Variants in ACSM2A observed in about 807,000 individuals in gnomAD.
ACSM2A encodes the protein acyl-coenzyme A synthetase ACSM2A, mitochondrial.
ACSM2A carries 72 observed loss-of-function variants against 76.6 expected under a neutral mutation model. The ratio of observed to expected loss-of-function variants is 0.94; its 90% CI spans 0.78 to 1.14. The LOEUF is 1.14. ACSM2A is among the 50% of genes most tolerant of loss of function. The pLI, the probability that ACSM2A is intolerant of heterozygous loss-of-function variation, is 0.00. For missense variants in ACSM2A, 684 were observed against 708.5 expected (o/e 0.97, Z 0.39); for synonymous variants, 249 against 255.9 (o/e 0.97, Z 0.26).
intron 1 of ACSM2A, among the ~76,000 whole-genome samples, chr16:20,458,398 C>T (rs1228792679): frequency 1.4e-5 from 2 of 145,300 alleles, no homozygotes; most frequent in African/African-American, 5.0e-5. Context: ...GATAACATAT[C>T]TCCATATATA....
At chr16:20,479,485 A>G (rs768692768) in intron 10 of ACSM2A, among the ~76,000 whole-genome samples, 4 of 152,290 alleles carry the variant, frequency 2.6e-5, no homozygotes, top group South Asian at 2.1e-4. Context: ...TATGTATTGC[A>G]TGATCTTAGG....
intron 1 of ACSM2A, among the ~76,000 whole-genome samples, chr16:20,452,881 T>C (rs1173813622): frequency 6.6e-6 from 1 of 152,034 alleles, no homozygotes; most frequent in East Asian, 1.9e-4. Flanking sequence ...TCATTGCTCA[T>C]GAGAGGCAAG....
In ACSM2A at chr16:20,486,594, G is replaced by A. The variant is rs149283270; in HGVS notation, c.1650G>A (p.Leu550=). The part of the protein sequence containing the change: ...YPRKIEFVLN[L]PKTVTGKIQR... ...AACAGATAGAGTTTGTCTTGAACCT[G>A]CCCAAGACTGTCACAGGGAAAATTC... The change falls in exon 14 of 14, where the codon CTG becomes CTA. Residue 550 remains leucine (L), a synonymous_variant. Coordinates refer to ENST00000573854, the MANE Select transcript of ACSM2A (RefSeq NM_001308172.2). 319 of 1,614,114 alleles carry A rather than the reference G, an allele frequency of 2.0e-4. 1 individual carries two copies. The African/African-American group carries it at 3.5e-3, about 17-fold the overall frequency.
At chr16:20,464,950 TTAC>T (rs1165491378) in intron 2 of ACSM2A, among the ~76,000 whole-genome samples, 4 of 151,444 alleles carry the variant, frequency 2.6e-5, no homozygotes, top group African/African-American at 4.8e-5. Context: ...ATGTGTATTT[TTAC>T]TACAAAATTA....
intron 2 of ACSM2A, 118 bp downstream of exon 2, chr16:20,460,409 A>G (rs2012545575): frequency 1.3e-6 from 2 of 1,484,070 alleles, no homozygotes; most frequent in African/African-American, 1.4e-5. Flanking sequence ...GTAATAAGCT[A>G]TGGACAAGAC....
Position 20,477,539 on chromosome 16 carries a change from A to C in ACSM2A, c.1179+90A>C, listed in dbSNP as rs1053765894. ...TTCCATTGTTTATTGAGTCAAAAAT[A>C]ATAGAAAGTACTGATATTAAGATAA... On this transcript the variant is annotated intron_variant, in intron 9 of 13. Transcript: ENST00000573854. 9.4e-6 allele frequency: 14 copies of C among 1,491,260 alleles called. No homozygotes were observed. The African/African-American group carries it at 1.3e-4, about 13-fold the overall frequency. 92.4% of individuals were successfully genotyped at this position (1,491,260 alleles called of 1,614,324 possible). A position where few individuals can be genotyped will look rare whatever the true frequency, so the allele number is the denominator to read the frequency against.
intron 6 of ACSM2A, among the ~76,000 whole-genome samples, chr16:20,473,670 C>T (rs941582957): frequency 3.3e-5 from 5 of 152,052 alleles, no homozygotes; most frequent in African/African-American, 9.7e-5. Flanking sequence ...ATCCTAAGGC[C>T]CCATCCCGCC....
chr16:20,476,730 G>C (rs2013758210), intron 8 of ACSM2A: 18 of 1,016,366 alleles, frequency 1.8e-5, no homozygotes, highest in Middle Eastern at 5.1e-4. Flanking sequence ...GATATCTTTT[G>C]TCCAGGCTAG....
rs140454824 is a variant in ACSM2A, at chr16:20,460,234, G to T, written c.120G>T (p.Val40=). The T allele has an allele frequency of 9.4e-4, 1,516 of 1,611,572 alleles. 4 individuals are homozygous for T. Among genetic ancestry groups the T allele is most frequent in the East Asian group, 2.4e-3 (107 of 44,716 alleles). ...CCCTGCAGTGGGGCCACCAGGAAGT[G>T]CCGGCCAAGTTTAACTTTGCTAGTG... is the stretch of plus-strand genomic sequence containing the variant. The part of the protein sequence containing the change: ...LVSLQWGHQE[V]PAKFNFASDV... Residue 40 remains valine (V), a synonymous_variant, in exon 2 of 14, where the codon GTG becomes GTT. Coordinates refer to ENST00000573854, the MANE Select transcript of ACSM2A (RefSeq NM_001308172.2).
rs1166676705 is a variant in ACSM2A, at chr16:20,486,894, A to T, written c.*216A>T. On this transcript the variant is annotated 3_prime_UTR_variant, in exon 14 of 14. Transcript: ENST00000573854. ...GAGTGAAAAGGAGAGGGTAACAGAA[A>T]AAAAGGAAAGAAAAGTAAGTCAGGG... 10 of 500,178 alleles carry T rather than the reference A, an allele frequency of 2.0e-5. No homozygotes were observed. Among genetic ancestry groups the T allele is most frequent in the Admixed American group, 3.8e-5 (1 of 26,508 alleles). 31.0% of individuals were successfully genotyped at this position (500,178 alleles called of 1,614,324 possible).
chr16:20,464,748 C>T (rs543723158), intron 2 of ACSM2A, among the ~76,000 whole-genome samples: 26 of 151,970 alleles, frequency 1.7e-4, no homozygotes, highest in Admixed American at 8.5e-4. Context: ...TTCATAGAGT[C>T]GGAAAGTAGA....
At chr16:20,463,227 A>G (rs964243083) in intron 2 of ACSM2A, among the ~76,000 whole-genome samples, 24 of 151,384 alleles carry the variant, frequency 1.6e-4, no homozygotes, top group African/African-American at 5.8e-4. Context: ...AACTTAAAGT[A>G]TAATAATAAA....
intron 8 of ACSM2A, 107 bp from the exon 9 acceptor site, chr16:20,477,262 G>A (rs2013800742): frequency 1.4e-6 from 2 of 1,444,332 alleles, no homozygotes; most frequent in Admixed American, 2.4e-5. Flanking sequence ...ACCAAGTGCA[G>A]GCCAAGTTCA....
intron 13 of ACSM2A, 116 bp downstream of exon 13, chr16:20,483,293 G>C (rs555213827): frequency 3.6e-5 from 54 of 1,485,674 alleles, no homozygotes; most frequent in Non-Finnish European, 4.6e-5. Context: ...TTCCTGGCTG[G>C]GCGCGGCAGC....
intron 6 of ACSM2A, among the ~76,000 whole-genome samples, chr16:20,473,568 A>AT (rs1341241180): frequency 6.6e-6 from 1 of 152,102 alleles, no homozygotes; most frequent in Non-Finnish European, 1.5e-5. Context: ...CACATTTGTC[A>AT]TTTTTTCTAG....
intron 3 of ACSM2A, among the ~76,000 whole-genome samples, chr16:20,468,527 T>C (rs1363173576): frequency 1.3e-5 from 2 of 152,152 alleles, no homozygotes; most frequent in African/African-American, 4.8e-5. Context: ...GCCCAGATAA[T>C]TTTTGTATTT....
At chr16:20,467,186 A>G (rs753203649) in intron 3 of ACSM2A, among the ~76,000 whole-genome samples, 14 of 152,166 alleles carry the variant, frequency 9.2e-5, no homozygotes, top group African/African-American at 7.2e-5. Context: ...AAGGATATCT[A>G]TGTGCCTGAA....
chr16:20,463,495 G>A (rs1007904304), intron 2 of ACSM2A, among the ~76,000 whole-genome samples: 10 of 151,822 alleles, frequency 6.6e-5, no homozygotes, highest in African/African-American at 2.4e-4. Context: ...GAGAGATCTT[G>A]TTGTTTTAAC....
At chr16:20,452,593 A>T (rs1199955019) in intron 1 of ACSM2A, 1 of 123,428 alleles carries the variant, frequency 8.1e-6, no homozygotes, top group Non-Finnish European at 1.6e-5. Flanking sequence ...AGTATTACTT[A>T]TACATATGAG....
Sources: allele counts gnomAD v4.1 joint callset (sites outside exome capture counted in the v4.1 genomes callset), GRCh38; gene constraint gnomAD v4.1.1; transcripts MANE v1.5; gene names NCBI Gene and HGNC (gene_info 2026-07-23, HGNC 2026-07-21).